SAMMSON: variants seen among roughly 807,000 people sequenced by gnomAD.
SAMMSON encodes long intergenic non-protein coding RNA 1212.
At chr3:70,365,527 T>C (rs1702913724) in intron 9 of SAMMSON, among the ~76,000 whole-genome samples, 1 of 151,836 alleles carries the variant, frequency 6.6e-6, no homozygotes, top group Non-Finnish European at 1.5e-5. Context: ...TTCTTATCTG[T>C]AAACTCCTAT....
At chr3:70,014,356 G>A (rs1257820159) in intron 3 of SAMMSON, 1 of 152,164 alleles carries the variant, frequency 6.6e-6, no homozygotes, top group Non-Finnish European at 1.5e-5. Context: ...ACTGACCGAA[G>A]GAGGAAGAGG....
intron 2 of SAMMSON, among the ~76,000 whole-genome samples, chr3:70,408,206 G>A (rs1701191398): frequency 6.6e-6 from 1 of 152,218 alleles, no homozygotes. Flanking sequence ...GCGATGGGAG[G>A]CGCTGCCATG....
At chr3:70,006,765 G>A (rs1344980175) in intron 1 of SAMMSON, among the ~76,000 whole-genome samples, 3 of 150,632 alleles carry the variant, frequency 2.0e-5, no homozygotes, top group Non-Finnish European at 3.0e-5. Flanking sequence ...CCATTAACTC[G>A]TCATTTAACA....
chr3:70,125,132 AT>A, intron 4 of SAMMSON: 1 of 1,534,034 alleles, frequency 6.5e-7, no homozygotes. Flanking sequence ...TTGAACCACC[AT>A]GGGTTTTCCA....
At chr3:70,084,938 C>T (rs2067280183) in intron 4 of SAMMSON, 2 of 152,174 alleles carry the variant, frequency 1.3e-5, no homozygotes, top group Admixed American at 1.3e-4. Flanking sequence ...CCCTCCCAGA[C>T]ACAAAGTGTA....
At chr3:70,241,434 T>C (rs1243861733) in intron 4 of SAMMSON, among the ~76,000 whole-genome samples, 2 of 152,208 alleles carry the variant, frequency 1.3e-5, no homozygotes, top group African/African-American at 4.8e-5. Flanking sequence ...AAAAAGTTTA[T>C]ATCTCATTTG....
chr3:70,419,554 A>T (rs781692673), intron 2 of SAMMSON, among the ~76,000 whole-genome samples: 2 of 152,204 alleles, frequency 1.3e-5, no homozygotes, highest in Non-Finnish European at 2.9e-5. Context: ...GGCTTGAGAA[A>T]GTCAATTCCA....
intron 4 of SAMMSON, chr3:70,205,512 C>T (rs1412086428): frequency 2.0e-5 from 3 of 152,006 alleles, no homozygotes; most frequent in African/African-American, 7.2e-5. Flanking sequence ...AATTGAGTAC[C>T]TTCTGTGTAC....
chr3:70,395,768 T>C (rs1048035620), intron 2 of SAMMSON, among the ~76,000 whole-genome samples: 13 of 152,154 alleles, frequency 8.5e-5, no homozygotes, highest in African/African-American at 3.1e-4. Context: ...TGGTGAAGTA[T>C]AAAGTACCCT....
At chr3:70,258,329 C>A (rs1701836043) in intron 6 of SAMMSON, among the ~76,000 whole-genome samples, 2 of 151,816 alleles carry the variant, frequency 1.3e-5, no homozygotes, top group African/African-American at 4.8e-5. Context: ...TTGAAAAATA[C>A]CATCAAGAAA....
intron 3 of SAMMSON, among the ~76,000 whole-genome samples, chr3:70,042,649 A>C (rs762262839): frequency 5.3e-5 from 8 of 152,088 alleles, no homozygotes; most frequent in Non-Finnish European, 1.0e-4. Context: ...GTTGAGTTGT[A>C]GATCTCATTT....
intron 1 of SAMMSON, among the ~76,000 whole-genome samples, chr3:70,006,712 G>T (rs2066928094): frequency 2.0e-5 from 3 of 151,676 alleles, no homozygotes; most frequent in Non-Finnish European, 1.5e-5. Flanking sequence ...CAACGTGCAG[G>T]TTAGTTACAT....
chr3:70,109,622 G>A (rs73838056), intron 4 of SAMMSON, among the ~76,000 whole-genome samples: 2,946 of 152,100 alleles, frequency 0.019, 96 homozygotes, highest in African/African-American at 0.065. Context: ...ACTCTCCTGC[G>A]CATCATATTC....
intron 4 of SAMMSON, among the ~76,000 whole-genome samples, chr3:70,219,329 G>A (rs1422676379): frequency 6.6e-6 from 1 of 152,166 alleles, no homozygotes; most frequent in Admixed American, 6.6e-5. Context: ...TGGAATTAGT[G>A]TTGTTTTCTG....
At chr3:70,320,526 T>A (rs1702529136) in intron 7 of SAMMSON, among the ~76,000 whole-genome samples, 1 of 152,064 alleles carries the variant, frequency 6.6e-6, no homozygotes, top group South Asian at 2.1e-4. Flanking sequence ...ATAGCCTTAC[T>A]CTATACTTTC....
Position 70,059,974 on chromosome 3 carries a change from G to A in SAMMSON, n.418-11502G>A, listed in dbSNP as rs1483602011. Among the ~76,000 whole-genome samples, 6 of 152,204 alleles carry A rather than the reference G, an allele frequency of 3.9e-5. No homozygotes were observed. In the South Asian group the frequency reaches 1.0e-3, roughly 26 times the overall value. Reference sequence around the variant, plus strand: ...TTGGTGATAAAGATCTGATATACAGGAATCATGGATAACAAAAATCTATGA... The same window carrying A: ...TTGGTGATAAAGATCTGATATACAGAAATCATGGATAACAAAAATCTATGA... On this transcript the variant is annotated intron_variant and non_coding_transcript_variant, in intron 3 of 9. Transcript: ENST00000642114.
chr3:70,029,321 T>C (rs559414455), intron 3 of SAMMSON, among the ~76,000 whole-genome samples: 1 of 152,300 alleles, frequency 6.6e-6, no homozygotes, highest in Admixed American at 6.5e-5. Context: ...TGCCTAATCT[T>C]TGAACAATGG....
chr3:70,418,205 T>C (rs1254249282), intron 2 of SAMMSON, among the ~76,000 whole-genome samples: 2 of 152,218 alleles, frequency 1.3e-5, no homozygotes, highest in Admixed American at 6.5e-5. Flanking sequence ...CAGTGTACAA[T>C]GAAGATAGTT....
intron 7 of SAMMSON, among the ~76,000 whole-genome samples, chr3:70,336,169 A>G (rs1357839413): frequency 1.3e-5 from 2 of 152,018 alleles, no homozygotes; most frequent in Non-Finnish European, 2.9e-5. Context: ...TTGCAGTTTG[A>G]TTCAGTAATA....
Sources: gnomAD v4.1 joint callset for allele counts (sites outside exome capture counted in the v4.1 genomes callset) on GRCh38, gnomAD v4.1.1 for gene constraint, MANE v1.5 for transcripts, NCBI Gene and HGNC (gene_info 2026-07-23, HGNC 2026-07-21) for gene names.